IQUB: variants seen among roughly 807,000 people sequenced by gnomAD.
The protein encoded by IQUB is IQ motif and ubiquitin domain containing, also known as IQ motif and ubiquitin-like domain-containing protein.
Under a neutral mutation model 86.4 loss-of-function variants are expected in IQUB, and 86 were observed. The ratio of observed to expected loss-of-function variants is 1.00; its 90% CI spans 0.84 to 1.19. The LOEUF is 1.19. IQUB is among the 50% of genes most tolerant of loss of function. The pLI is 0.00. For missense variants in IQUB, 946 were observed against 916.9 expected (o/e 1.03, Z -0.41); for synonymous variants, 289 against 304.5 (o/e 0.95, Z 0.53).
intron 7 of IQUB, among the ~76,000 whole-genome samples, chr7:123,480,528 G>C (rs1391245840): frequency 6.6e-6 from 1 of 152,054 alleles, no homozygotes; most frequent in Non-Finnish European, 1.5e-5. Context: ...CTTCCTTAGA[G>C]CTAAGACTTT....
rs775866389 is a variant in IQUB at position 123,503,105 on chromosome 7, A to G, written c.706T>C (p.Tyr236His). 5.0e-6 allele frequency: 8 copies of G among 1,612,562 alleles called. No homozygotes were observed. The highest frequency in any genetic ancestry group is 6.8e-6 in the Non-Finnish European group (8 of 1,179,400). ...ACAATCTCAACAGGTACCTGCTGGT[A>G]TTGATCAAGTCCTGAGAGATAACAC... is the stretch of plus-strand genomic sequence containing the variant. ...TVTVQTGLDQ[Y>H]QQVPVEIVKS... The change falls in exon 5 of 13, where the codon TAC (tyrosine) becomes CAC (histidine). Residue 236 changes from tyrosine (Y) to histidine (H), a missense_variant. By Grantham distance (83) the Tyr-to-His change is moderately conservative. Coordinates refer to ENST00000324698, the MANE Select transcript of IQUB (RefSeq NM_178827.5).
intron 1 of IQUB, among the ~76,000 whole-genome samples, chr7:123,527,990 G>A (rs934084582): frequency 3.9e-5 from 6 of 152,228 alleles, no homozygotes; most frequent in African/African-American, 4.8e-5. Context: ...AGGACCCTCC[G>A]AGCCGGGTGG....
In IQUB at chr7:123,529,109, GA is replaced by G. The variant is rs911662221; in HGVS notation, c.-5+5382del. The stretch of plus-strand genomic sequence containing the variant: ...TTAAGAGAGTAATATGTGCTTACTA[GA>G]AAAAAAACTAACAGAATAGAAGGGG... On this transcript the variant is annotated intron_variant, in intron 1 of 12. Coordinates refer to ENST00000324698, the MANE Select transcript of IQUB (RefSeq NM_178827.5). 1.8e-4 allele frequency among the ~76,000 whole-genome samples: 27 copies of G among 151,266 alleles called. 1 individual carries two copies. Among genetic ancestry groups the G allele is most frequent in the South Asian group, 2.1e-4 (1 of 4,792 alleles).
intron 7 of IQUB, among the ~76,000 whole-genome samples, chr7:123,491,842 A>G (rs760095899): frequency 3.3e-5 from 5 of 152,214 alleles, no homozygotes; most frequent in Non-Finnish European, 7.3e-5. Flanking sequence ...CTAAAACCAG[A>G]CAGTAACATA....
rs181650636 is a variant in IQUB, at chr7:123,504,853, T to C, written c.533-1490A>G. Among the ~76,000 whole-genome samples the C allele has an allele frequency of 1.5e-3, 231 of 152,240 alleles. 2 individuals are homozygous for C. Among genetic ancestry groups the C allele is most frequent in the South Asian group, 3.3e-3 (16 of 4,824 alleles). On this transcript the variant is annotated intron_variant, in intron 3 of 12. Coordinates refer to ENST00000324698, the MANE Select transcript of IQUB (RefSeq NM_178827.5). Reference sequence around the variant, plus strand: ...CATTCCTTCTTAACAGTCCCCCAAGTATTAACTCATTTCAGCAATAACTCT... The same window carrying C: ...CATTCCTTCTTAACAGTCCCCCAAGCATTAACTCATTTCAGCAATAACTCT...
intron 1 of IQUB, among the ~76,000 whole-genome samples, chr7:123,517,304 G>C (rs960517206): frequency 6.6e-6 from 1 of 151,830 alleles, no homozygotes. Flanking sequence ...GGCCGAGGCG[G>C]GTGGATCACG....
chr7:123,523,176 A>G (rs1289141432), intron 1 of IQUB, among the ~76,000 whole-genome samples: 3 of 152,042 alleles, frequency 2.0e-5, no homozygotes, highest in Admixed American at 6.6e-5. Context: ...ATGTGCATGT[A>G]TCTTTATAGC....
At chr7:123,517,085 C>T (rs940998156) in intron 1 of IQUB, among the ~76,000 whole-genome samples, 1 of 152,136 alleles carries the variant, frequency 6.6e-6, no homozygotes, top group Non-Finnish European at 1.5e-5. Flanking sequence ...ATGCCATACA[C>T]ACAGTGGGTT....
At chr7:123,515,762 T>C (rs960475463) in intron 1 of IQUB, among the ~76,000 whole-genome samples, 3 of 152,220 alleles carry the variant, frequency 2.0e-5, no homozygotes, top group African/African-American at 4.8e-5. Flanking sequence ...TAGCAAGTGC[T>C]AGTGAGTGCA....
At chr7:123,486,856 T>C (rs183766693) in intron 7 of IQUB, among the ~76,000 whole-genome samples, 2 of 152,322 alleles carry the variant, frequency 1.3e-5, no homozygotes, top group African/African-American at 2.4e-5. Context: ...ACCTTAGTTG[T>C]GTGCAGGTAA....
intron 7 of IQUB, among the ~76,000 whole-genome samples, chr7:123,486,503 G>A (rs1795217114): frequency 6.6e-6 from 1 of 152,212 alleles, no homozygotes; most frequent in Non-Finnish European, 1.5e-5. Context: ...ATGTGACTTA[G>A]CCTTGCTACC....
At chr7:123,485,107 A>C (rs1795163890) in intron 7 of IQUB, among the ~76,000 whole-genome samples, 1 of 152,114 alleles carries the variant, frequency 6.6e-6, no homozygotes, top group Non-Finnish European at 1.5e-5. Flanking sequence ...ATATTACTTT[A>C]CTAGGGCTTC....
chr7:123,521,931 C>T (rs1237612561), intron 1 of IQUB, among the ~76,000 whole-genome samples: 2 of 152,054 alleles, frequency 1.3e-5, no homozygotes. Context: ...TGATTCTCAG[C>T]TTTGGTTTCC....
intron 6 of IQUB, among the ~76,000 whole-genome samples, chr7:123,497,283 TA>T (rs1795748182): frequency 6.6e-6 from 1 of 152,144 alleles, no homozygotes; most frequent in Non-Finnish European, 1.5e-5. Flanking sequence ...AGTATACATA[TA>T]AAGTGCTTAA....
chr7:123,504,691 C>T lies in IQUB; in HGVS notation c.533-1328G>A, dbSNP rs147122371. On this transcript the variant is annotated intron_variant, in intron 3 of 12. Coordinates refer to ENST00000324698, the MANE Select transcript of IQUB (RefSeq NM_178827.5). ...GGGAAATCCGCACCCATGATCCATT[C>T]GCCTCCCACCAGACCTCTCCTCCAA... Among the ~76,000 whole-genome samples, 522 of 152,258 alleles carry T rather than the reference C, an allele frequency of 3.4e-3. 4 individuals are homozygous for T. The highest frequency in any genetic ancestry group is 0.012 in the African/African-American group (483 of 41,560).
At chr7:123,477,445 A>C (rs1254368314) in intron 8 of IQUB, among the ~76,000 whole-genome samples, 1 of 152,236 alleles carries the variant, frequency 6.6e-6, no homozygotes, top group African/African-American at 2.4e-5. Context: ...TTAATTCAAG[A>C]TGGATTAAAG....
chr7:123,454,045 G>T (rs1793575033), intron 12 of IQUB, among the ~76,000 whole-genome samples: 1 of 152,006 alleles, frequency 6.6e-6, no homozygotes, highest in African/African-American at 2.4e-5. Context: ...AAAGATAAAA[G>T]AAAGTCCTGG....
chr7:123,523,877 T>C (rs1359736294), intron 1 of IQUB, among the ~76,000 whole-genome samples: 2 of 152,238 alleles, frequency 1.3e-5, no homozygotes, highest in African/African-American at 2.4e-5. Context: ...AATTGATTTT[T>C]GTATAACGTG....
intron 1 of IQUB, among the ~76,000 whole-genome samples, chr7:123,512,944 G>A (rs1796489350): frequency 6.6e-6 from 1 of 152,090 alleles, no homozygotes; most frequent in African/African-American, 2.4e-5. Context: ...TAAAAGCTTG[G>A]GCCAGGATAG....
Sources: gnomAD v4.1 joint callset for allele counts (sites outside exome capture counted in the v4.1 genomes callset) on GRCh38, gnomAD v4.1.1 for gene constraint, MANE v1.5 for transcripts, NCBI Gene and HGNC (gene_info 2026-07-23, HGNC 2026-07-21) for gene names.